Variants in DPYSL3 observed in about 807,000 individuals in gnomAD.
DPYSL3 encodes the protein dihydropyrimidinase-related protein 3.
In DPYSL3, 16 loss-of-function variants were observed where a neutral mutation model predicts 66.1. The observed-to-expected ratio is 0.24, with a 90% CI of 0.16 to 0.37. The LOEUF (loss-of-function observed/expected upper bound fraction) is 0.37, where lower values mean the gene tolerates loss of function less well. DPYSL3 is among the 10% of genes least tolerant of loss of function. The probability of loss-of-function intolerance (pLI) is 1.00; values close to 1 mark genes in which losing one functional copy is unlikely to be tolerated. For missense variants in DPYSL3, 738 were observed against 916.2 expected (o/e 0.81, Z 2.51); for synonymous variants, 338 against 345.1 (o/e 0.98, Z 0.23).
intron 1 of DPYSL3, among the ~76,000 whole-genome samples, chr5:147,458,988 T>A (rs981110045): frequency 1.3e-5 from 2 of 151,704 alleles, no homozygotes; most frequent in African/African-American, 4.8e-5. Context: ...ATTTTGATTT[T>A]TTTTTTTTTT....
At chr5:147,422,855 G>T (rs189754438) in intron 2 of DPYSL3, among the ~76,000 whole-genome samples, 3 of 152,182 alleles carry the variant, frequency 2.0e-5, no homozygotes, top group African/African-American at 7.2e-5. Context: ...GGCCTGTTGG[G>T]GGTGGGGGAA....
intron 1 of DPYSL3, among the ~76,000 whole-genome samples, chr5:147,496,701 T>A (rs1464199360): frequency 2.0e-5 from 3 of 152,050 alleles, no homozygotes; most frequent in Admixed American, 6.5e-5. Flanking sequence ...CACAATGAGA[T>A]ACCATCTCAC....
At chr5:147,423,571 T>G (rs1752129490) in intron 2 of DPYSL3, among the ~76,000 whole-genome samples, 1 of 149,538 alleles carries the variant, frequency 6.7e-6, no homozygotes. Flanking sequence ...TTGTGCTAAG[T>G]CCTGGGTTAA....
chr5:147,427,569 G>A (rs1694751140), intron 1 of DPYSL3, among the ~76,000 whole-genome samples: 2 of 152,176 alleles, frequency 1.3e-5, no homozygotes, highest in African/African-American at 4.8e-5. Flanking sequence ...GGCAGTCCTA[G>A]GTCTGTGCTT....
At chr5:147,443,146 G>A (rs764503863) in intron 1 of DPYSL3, among the ~76,000 whole-genome samples, 27 of 152,148 alleles carry the variant, frequency 1.8e-4, no homozygotes, top group Non-Finnish European at 3.5e-4. Flanking sequence ...CCATTACTGG[G>A]TATATACCCA....
At chr5:147,410,026 T>C (rs1337277134) in intron 6 of DPYSL3, among the ~76,000 whole-genome samples, 2 of 152,210 alleles carry the variant, frequency 1.3e-5, no homozygotes, top group Non-Finnish European at 2.9e-5. Context: ...GGTTACAGGC[T>C]TATTTTTCCA....
chr5:147,396,712 T>C (rs891072894), intron 12 of DPYSL3, among the ~76,000 whole-genome samples: 3 of 152,108 alleles, frequency 2.0e-5, no homozygotes. Flanking sequence ...AGAATCTAAA[T>C]CACACTCATA....
At chr5:147,473,695 G>C (rs1753115615) in intron 1 of DPYSL3, among the ~76,000 whole-genome samples, 1 of 151,994 alleles carries the variant, frequency 6.6e-6, no homozygotes, top group African/African-American at 2.4e-5. Context: ...ACTTCTTGCT[G>C]AGCTCTTCTG....
chr5:147,427,703 C>T (rs995484509), intron 1 of DPYSL3, among the ~76,000 whole-genome samples: 1 of 152,142 alleles, frequency 6.6e-6, no homozygotes, highest in African/African-American at 2.4e-5. Context: ...CACAGACCAG[C>T]ACAAGGAACC....
chr5:147,463,937 A>G (rs1469692170), intron 1 of DPYSL3, among the ~76,000 whole-genome samples: 1 of 152,122 alleles, frequency 6.6e-6, no homozygotes, highest in Non-Finnish European at 1.5e-5. Flanking sequence ...CTAGGGCCTT[A>G]GTCAACACCA....
intron 1 of DPYSL3, among the ~76,000 whole-genome samples, chr5:147,438,433 T>C (rs1752453606): frequency 6.6e-6 from 1 of 152,196 alleles, no homozygotes; most frequent in African/African-American, 2.4e-5. Flanking sequence ...TAGTTAATCC[T>C]AGAACAAAAG....
chr5:147,490,870 G>T (rs930097830), intron 1 of DPYSL3, among the ~76,000 whole-genome samples: 2 of 152,170 alleles, frequency 1.3e-5, no homozygotes, highest in Non-Finnish European at 2.9e-5. Context: ...TGCAGTCATG[G>T]CAGCAGCAGG....
intron 1 of DPYSL3, among the ~76,000 whole-genome samples, chr5:147,476,080 C>T (rs1038654878): frequency 1.3e-5 from 2 of 152,078 alleles, no homozygotes; most frequent in African/African-American, 4.8e-5. Context: ...GATTATGTAA[C>T]TTGATCAAAC....
At chr5:147,462,864 AGGACTCT>A (rs1394918528) in intron 1 of DPYSL3, among the ~76,000 whole-genome samples, 1 of 152,156 alleles carries the variant, frequency 6.6e-6, no homozygotes, top group Admixed American at 6.5e-5. Context: ...TTAGATTCCT[AGGACTCT>A]GGAACCAGAA....
At chr5:147,429,565 T>C (rs187223564) in intron 1 of DPYSL3, among the ~76,000 whole-genome samples, 1 of 152,190 alleles carries the variant, frequency 6.6e-6, no homozygotes, top group Non-Finnish European at 1.5e-5. Context: ...TATAATACTT[T>C]GAATGTTTTT....
intron 1 of DPYSL3, among the ~76,000 whole-genome samples, chr5:147,441,218 G>A: frequency 6.6e-6 from 1 of 152,210 alleles, no homozygotes; most frequent in East Asian, 1.9e-4. Flanking sequence ...AGTACCACAG[G>A]CTGATGGTTT....
Position 147,498,002 on chromosome 5 carries a change from G to T in DPYSL3, c.381+11476C>A, listed in dbSNP as rs544304633. Among the ~76,000 whole-genome samples the T allele has an allele frequency of 4.6e-5, 7 of 151,606 alleles. No individual in the cohort carries two copies. In the East Asian group the frequency reaches 1.4e-3, roughly 30 times the overall value. The stretch of plus-strand genomic sequence containing the variant: ...GCAGGTCTGTTACATAGGTAAACTT[G>T]TGTCACGGGAGTTTGTTGCACAGAT... On this transcript the variant is annotated intron_variant, in intron 1 of 13. Coordinates refer to ENST00000343218, the MANE Select transcript of DPYSL3 (RefSeq NM_001197294.2).
intron 1 of DPYSL3, among the ~76,000 whole-genome samples, chr5:147,495,910 T>A (rs1414101371): frequency 2.6e-5 from 4 of 152,164 alleles, no homozygotes; most frequent in Non-Finnish European, 5.9e-5. Context: ...TTCAAGTTCA[T>A]ATGGAACCAA....
chr5:147,399,749 T>C (rs1269017247), intron 10 of DPYSL3, among the ~76,000 whole-genome samples: 1 of 152,224 alleles, frequency 6.6e-6, no homozygotes, highest in Non-Finnish European at 1.5e-5. Flanking sequence ...TTTCCAAATA[T>C]TCTTTACTGA....
Sources: allele counts gnomAD v4.1 joint callset (sites outside exome capture counted in the v4.1 genomes callset), GRCh38; gene constraint gnomAD v4.1.1; transcripts MANE v1.5; gene names NCBI Gene and HGNC (gene_info 2026-07-23, HGNC 2026-07-21).